TMEM117: variants seen among roughly 807,000 people sequenced by gnomAD.
TMEM117 encodes the protein transmembrane protein 117.
A neutral mutation model predicts 52.4 loss-of-function variants in TMEM117; 27 were observed. The observed-to-expected ratio is 0.51, with a 90% CI of 0.38 to 0.71. The LOEUF is 0.71. TMEM117 is among the 30% of genes least tolerant of loss of function. TMEM117 has a pLI of 0.00. For synonymous variants in TMEM117, 215 were observed against 206.3 expected (o/e 1.04, Z -0.36); for missense variants, 556 against 630.5 (o/e 0.88, Z 1.26).
intron 3 of TMEM117, among the ~76,000 whole-genome samples, chr12:44,011,687 C>T (rs571337872): frequency 1.8e-4 from 26 of 145,770 alleles, no homozygotes; most frequent in Non-Finnish European, 3.6e-4. Context: ...TATGTATGAC[C>T]AAGTTTATTT....
At chr12:44,072,921 C>T (rs1299215023) in intron 3 of TMEM117, among the ~76,000 whole-genome samples, 1 of 152,106 alleles carries the variant, frequency 6.6e-6, no homozygotes, top group African/African-American at 2.4e-5. Context: ...GAAACCCCAT[C>T]TCTACTTAAA....
intron 6 of TMEM117, among the ~76,000 whole-genome samples, chr12:44,311,913 G>GTATA: frequency 7.8e-6 from 1 of 127,872 alleles, no homozygotes; most frequent in East Asian, 2.0e-4. Flanking sequence ...ATATATGTGT[G>GTATA]TATATATATA....
intron 3 of TMEM117, among the ~76,000 whole-genome samples, chr12:44,019,012 A>G (rs770996036): frequency 6.6e-6 from 1 of 151,618 alleles, no homozygotes; most frequent in Non-Finnish European, 1.5e-5. Flanking sequence ...GATTAACTCT[A>G]CTCTTGTAGC....
chr12:44,099,836 TA>T lies in TMEM117; in HGVS notation c.411-43688del, dbSNP rs150780698. 6.8e-3 allele frequency among the ~76,000 whole-genome samples: 1,038 copies of T among 152,078 alleles called. 14 individuals carry two copies. The highest frequency in any genetic ancestry group is 0.024 in the African/African-American group (992 of 41,504). ...GAGAAGTCCACCAAAACAAGTGGGATATTAGTAAAAAGGCTAAAATGAGCCT... is the reference window on the plus strand; with the variant it reads ...GAGAAGTCCACCAAAACAAGTGGGATTTAGTAAAAAGGCTAAAATGAGCCT... On this transcript the variant is annotated intron_variant, in intron 3 of 7. Transcript: ENST00000266534.
intron 3 of TMEM117, among the ~76,000 whole-genome samples, chr12:44,037,098 G>A (rs1463387706): frequency 6.6e-6 from 1 of 152,080 alleles, no homozygotes; most frequent in Non-Finnish European, 1.5e-5. Flanking sequence ...TGGAAGCCCC[G>A]CTCCCTTCCA....
intron 5 of TMEM117, among the ~76,000 whole-genome samples, chr12:44,225,130 A>G (rs1262485415): frequency 6.6e-6 from 1 of 152,208 alleles, no homozygotes; most frequent in African/African-American, 2.4e-5. Context: ...GGGTAAAGAA[A>G]GGAACAAAGA....
intron 4 of TMEM117, among the ~76,000 whole-genome samples, chr12:44,162,357 T>G (rs1224025514): frequency 6.6e-6 from 1 of 152,152 alleles, no homozygotes; most frequent in Non-Finnish European, 1.5e-5. Context: ...CATGAAACCA[T>G]GCCCTCAGGG....
chr12:44,315,832 A>G (rs1565706801), intron 6 of TMEM117, among the ~76,000 whole-genome samples: 2 of 152,236 alleles, frequency 1.3e-5, no homozygotes, highest in Middle Eastern at 3.4e-3. Flanking sequence ...CTATTTTATT[A>G]TTGCTGGCTT....
chr12:44,044,596 T>C (rs1946851918), intron 3 of TMEM117, among the ~76,000 whole-genome samples: 1 of 152,250 alleles, frequency 6.6e-6, no homozygotes, highest in Non-Finnish European at 1.5e-5. Flanking sequence ...CCTGCCACCC[T>C]GCCTTCTCTC....
At chr12:44,348,915 G>C (rs1263820391) in intron 6 of TMEM117, among the ~76,000 whole-genome samples, 1 of 151,950 alleles carries the variant, frequency 6.6e-6, no homozygotes, top group East Asian at 1.9e-4. Flanking sequence ...ATGTCAGTCA[G>C]AGAGGTGATT....
rs920415601 is a variant in TMEM117 at position 44,310,417 on chromosome 12, T to A, written c.768+10678T>A. Reference sequence around the variant, plus strand: ...ACTTTGGGAGGCCGAGGCGGGTGGATCACCTGAGGTCGGGAGTTCAAGACC... The same window carrying A: ...ACTTTGGGAGGCCGAGGCGGGTGGAACACCTGAGGTCGGGAGTTCAAGACC... On this transcript the variant is annotated intron_variant, in intron 6 of 7. Transcript: ENST00000266534. 1.6e-4 allele frequency among the ~76,000 whole-genome samples: 25 copies of A among 152,312 alleles called. No individual in the cohort carries two copies. The East Asian group carries it at 4.8e-3, about 29-fold the overall frequency.
At chr12:44,314,129 A>G (rs552060609) in intron 6 of TMEM117, among the ~76,000 whole-genome samples, 2 of 152,288 alleles carry the variant, frequency 1.3e-5, no homozygotes, top group Admixed American at 6.5e-5. Context: ...TAGGACTTCC[A>G]ACACTATGTT....
intron 6 of TMEM117, among the ~76,000 whole-genome samples, chr12:44,315,048 G>A (rs140814893): frequency 1.5e-3 from 228 of 152,268 alleles, no homozygotes; most frequent in African/African-American, 4.7e-3. Context: ...GCATAGAGGT[G>A]TTCATAATAT....
At chr12:44,205,342 C>T (rs115911243) in intron 4 of TMEM117, among the ~76,000 whole-genome samples, 1,529 of 152,254 alleles carry the variant, frequency 0.01, 9 homozygotes, top group African/African-American at 0.016. Flanking sequence ...TTTTGCTTCT[C>T]CTTTGCCTTC....
chr12:43,797,442 A>G, the TMEM117 span: 2 of 1,590,232 alleles, frequency 1.3e-6, no homozygotes, highest in Non-Finnish European at 1.7e-6. Context: ...TTCATTTTTT[A>G]TATCTATTTC....
At chr12:44,067,216 G>GC (rs1947234142) in intron 3 of TMEM117, among the ~76,000 whole-genome samples, 1 of 152,010 alleles carries the variant, frequency 6.6e-6, no homozygotes, top group African/African-American at 2.4e-5. Context: ...GAAATCTTGA[G>GC]CCCCTCAAAG....
intron 5 of TMEM117, among the ~76,000 whole-genome samples, chr12:44,244,204 T>C (rs780579568): frequency 2.6e-5 from 4 of 151,896 alleles, no homozygotes; most frequent in African/African-American, 4.8e-5. Flanking sequence ...TTTCACATGG[T>C]TTTTCAAAAT....
the TMEM117 span, chr12:43,797,463 G>C: frequency 1.9e-6 from 3 of 1,558,750 alleles, no homozygotes; most frequent in Non-Finnish European, 1.7e-6. Context: ...CTGCCAATAA[G>C]AAACAAAATA....
chr12:43,947,112 T>C (rs1418135688), intron 3 of TMEM117, among the ~76,000 whole-genome samples: 5 of 152,164 alleles, frequency 3.3e-5, no homozygotes, highest in Non-Finnish European at 7.3e-5. Flanking sequence ...GGCAGCAGGA[T>C]CACTTAAGGC....
Sources: allele counts gnomAD v4.1 joint callset (sites outside exome capture counted in the v4.1 genomes callset), GRCh38; gene constraint gnomAD v4.1.1; transcripts MANE v1.5; gene names NCBI Gene and HGNC (gene_info 2026-07-23, HGNC 2026-07-21).